TG: variants seen among roughly 807,000 people sequenced by gnomAD.
The protein encoded by TG is thyroglobulin.
TG carries 270 observed loss-of-function variants against 324.7 expected under a neutral mutation model. The ratio of observed to expected loss-of-function variants is 0.83; its 90% CI spans 0.75 to 0.92. TG has a LOEUF of 0.92. TG is among the 40% of genes least tolerant of loss of function. The probability of loss-of-function intolerance (pLI) is 0.00; values close to 1 mark genes in which losing one functional copy is unlikely to be tolerated. For synonymous variants in TG, 1,401 were observed against 1,327.0 expected, an observed-to-expected ratio of 1.06 and a Z score of -1.21; for missense variants, 3,591 against 3,456.4, an observed-to-expected ratio of 1.04 and a Z score of -0.98.
chr8:133,047,356 T>G (rs1376000393), intron 41 of TG: 1 of 160,690 alleles, frequency 6.2e-6, no homozygotes, highest in Non-Finnish European at 1.4e-5. Context: ...GGACTGTCTG[T>G]GCAGCAAGAG....
Position 133,113,524 on chromosome 8 carries a change from G to C in TG, c.7675G>C (p.Ala2559Pro). The C allele has an allele frequency of 6.2e-7, 1 of 1,614,134 alleles. No homozygotes were observed. The highest frequency in any genetic ancestry group is 8.5e-7 in the Non-Finnish European group (1 of 1,180,032). ...GGACTCAGATGCCCGCGTCGAGGCT[G>C]CTGCTACATGGTATTACTCTCTGGA... Reference protein sequence around the residue: ...GEDSDARVEAAATWYYSLEHS... With the variant: ...GEDSDARVEAPATWYYSLEHS... Residue 2559 changes from alanine to proline, a missense_variant, in exon 44 of 48, where the codon GCT becomes CCT. Physicochemically the swap from Ala to Pro is conservative, Grantham distance 27. Coordinates refer to ENST00000220616, the MANE Select transcript of TG (RefSeq NM_003235.5).
At chr8:132,995,285 C>T (rs1175329691) in intron 35 of TG, 1 of 982,818 alleles carries the variant, frequency 1.0e-6, no homozygotes, top group Non-Finnish European at 1.2e-6. Flanking sequence ...CATGCTTAGC[C>T]TACTACCCAC....
chr8:133,115,808 G>A (rs546244071), intron 44 of TG, among the ~76,000 whole-genome samples: 1 of 152,362 alleles, frequency 6.6e-6, no homozygotes, highest in African/African-American at 2.4e-5. Flanking sequence ...CATAGCCTGT[G>A]CGTCAGCACA....
At chr8:132,952,877 C>T (rs1047169732) in intron 27 of TG, among the ~76,000 whole-genome samples, 1 of 152,134 alleles carries the variant, frequency 6.6e-6, no homozygotes, top group Non-Finnish European at 1.5e-5. Flanking sequence ...GGGGCTCAAG[C>T]CTTCAGCTTA....
chr8:133,001,729 G>T, intron 35 of TG: 1 of 985,420 alleles, frequency 1.0e-6, no homozygotes, highest in Non-Finnish European at 1.2e-6. Context: ...GGCCGTACAG[G>T]CCTCCAAGGC....
chr8:132,933,643 A>G lies in TG; in HGVS notation c.4899A>G (p.Thr1633=), dbSNP rs754174269. ...PEISCDFYAW[T]SDNVACMTSD... The stretch of plus-strand genomic sequence containing the variant: ...TTTCCTGTGATTTCTATGCTTGGAC[A>G]AGTGACAATGTTGCCTGCATGACTT... Residue 1633 remains threonine (T), a synonymous_variant, in exon 24 of 48, where the codon ACA becomes ACG. Transcript: ENST00000220616. The G allele has an allele frequency of 6.2e-7, 1 of 1,614,120 alleles. No homozygotes were observed. Among genetic ancestry groups the G allele is most frequent in the Non-Finnish European group, 8.5e-7 (1 of 1,180,006 alleles).
intron 45 of TG, 74 bp from the exon 46 acceptor site, chr8:133,131,738 G>T: frequency 6.3e-7 from 1 of 1,590,638 alleles, no homozygotes; most frequent in Non-Finnish European, 8.6e-7. Flanking sequence ...AAATATTTTT[G>T]TTTGTGTGTT....
chr8:133,092,496 G>A (rs1346066424), intron 41 of TG, among the ~76,000 whole-genome samples: 1 of 152,184 alleles, frequency 6.6e-6, no homozygotes, highest in African/African-American at 2.4e-5. Context: ...TTTACATCCT[G>A]TGGGGTCCCG....
chr8:132,924,773 C>T (rs1211568539), intron 22 of TG, among the ~76,000 whole-genome samples: 1 of 152,196 alleles, frequency 6.6e-6, no homozygotes, highest in African/African-American at 2.4e-5. Context: ...AAAATGGAGA[C>T]ATCAGTTTCC....
chr8:133,066,087 G>T (rs1171217647), intron 41 of TG, among the ~76,000 whole-genome samples: 5 of 152,132 alleles, frequency 3.3e-5, no homozygotes, highest in African/African-American at 1.2e-4. Context: ...TACTTAGGAG[G>T]CTGAGGCGGG....
chr8:133,099,981 T>A (rs1279828488), intron 43 of TG, among the ~76,000 whole-genome samples: 1 of 152,190 alleles, frequency 6.6e-6, no homozygotes, highest in African/African-American at 2.4e-5. Context: ...ATTTTACTCC[T>A]CTGCTCCAAG....
intron 8 of TG, among the ~76,000 whole-genome samples, chr8:132,886,232 C>T (rs1815399723): frequency 6.6e-6 from 1 of 152,130 alleles, no homozygotes; most frequent in Non-Finnish European, 1.5e-5. Context: ...GTGGAGTGGT[C>T]ATGCCAACTG....
chr8:133,001,012 A>G (rs1356793375), intron 35 of TG, among the ~76,000 whole-genome samples: 5 of 152,070 alleles, frequency 3.3e-5, no homozygotes, highest in African/African-American at 1.2e-4. Flanking sequence ...TGGCTTGTAG[A>G]TGGCACCCTC....
chr8:133,020,182 C>T (rs1835431780), intron 39 of TG, among the ~76,000 whole-genome samples: 1 of 152,208 alleles, frequency 6.6e-6, no homozygotes, highest in Non-Finnish European at 1.5e-5. Flanking sequence ...ATCCCTGTCG[C>T]CGTGTTCCAA....
At chr8:133,000,760 G>C (rs1489759979) in intron 35 of TG, among the ~76,000 whole-genome samples, 1 of 152,222 alleles carries the variant, frequency 6.6e-6, no homozygotes, top group Non-Finnish European at 1.5e-5. Context: ...TTTTATGCTA[G>C]AGAGCAGCAC....
chr8:133,089,524 C>T (rs1205165634), intron 41 of TG, among the ~76,000 whole-genome samples: 1 of 152,158 alleles, frequency 6.6e-6, no homozygotes, highest in African/African-American at 2.4e-5. Context: ...CTCTGTGTCC[C>T]AGGGTTGGTG....
intron 10 of TG, among the ~76,000 whole-genome samples, chr8:132,891,568 C>G (rs1164723244): frequency 6.6e-6 from 1 of 152,244 alleles, no homozygotes; most frequent in Admixed American, 6.5e-5. Flanking sequence ...CTCCTGGGCT[C>G]AAGTGATCTG....
intron 41 of TG, chr8:133,048,720 G>C (rs766656515): frequency 6.3e-6 from 1 of 159,540 alleles, no homozygotes; most frequent in African/African-American, 2.4e-5. Flanking sequence ...GCTGATGTAG[G>C]AGAGTCACGT....
intron 26 of TG, among the ~76,000 whole-genome samples, chr8:132,944,393 T>C (rs994882657): frequency 1.3e-5 from 2 of 152,240 alleles, no homozygotes; most frequent in African/African-American, 4.8e-5. Flanking sequence ...CTCCTTGTGA[T>C]TTCCTCCTCC....
Sources: allele counts gnomAD v4.1 joint callset (sites outside exome capture counted in the v4.1 genomes callset), GRCh38; gene constraint gnomAD v4.1.1; transcripts MANE v1.5; gene names NCBI Gene and HGNC (gene_info 2026-07-23, HGNC 2026-07-21).